Variants in FLT3 observed in about 807,000 individuals in gnomAD.
FLT3 encodes fms related receptor tyrosine kinase 3.
Under a neutral mutation model 126.6 loss-of-function variants are expected in FLT3, and 46 were observed. The observed-to-expected ratio is 0.36, with a 90% CI of 0.29 to 0.46. FLT3 has a LOEUF of 0.46. Ranked by LOEUF, FLT3 falls within the 20% of genes least tolerant of loss-of-function variation. The probability of loss-of-function intolerance (pLI) is 1.00; values close to 1 mark genes in which losing one functional copy is unlikely to be tolerated. For missense variants in FLT3, 1,069 were observed against 1,190.3 expected, an observed-to-expected ratio of 0.90 and a Z score of 1.50; for synonymous variants, 404 against 434.4, an observed-to-expected ratio of 0.93 and a Z score of 0.87.
At position 28,081,264 on chromosome 13, in the gene FLT3, C is replaced by G. The variant is rs1878283689; in HGVS notation, c.44-10652G>C. The stretch of plus-strand genomic sequence containing the variant: ...TGAGTTTTCTAATACATAAATATGG[C>G]ATATCACTCCTTTTAATTAGATCTT... On this transcript the variant is annotated intron_variant, in intron 1 of 23. Coordinates refer to ENST00000241453, the MANE Select transcript of FLT3 (RefSeq NM_004119.3). 2.7e-5 allele frequency among the ~76,000 whole-genome samples: 4 copies of G among 149,302 alleles called. No individual in the cohort carries two copies. In the South Asian group the frequency reaches 8.8e-4, roughly 33 times the overall value.
chr13:28,087,594 T>G (rs1878759391), intron 1 of FLT3, among the ~76,000 whole-genome samples: 2 of 152,200 alleles, frequency 1.3e-5, no homozygotes, highest in South Asian at 2.1e-4. Context: ...TCCTCCCTTA[T>G]TTTTGACATA....
chr13:28,090,262 T>G (rs2137825038), intron 1 of FLT3, among the ~76,000 whole-genome samples: 1 of 151,264 alleles, frequency 6.6e-6, no homozygotes, highest in East Asian at 2.0e-4. Context: ...GGTCTTGAAC[T>G]CCTGACCTCT....
At chr13:28,052,230 T>C (rs1193724245) in intron 5 of FLT3, among the ~76,000 whole-genome samples, 3 of 151,484 alleles carry the variant, frequency 2.0e-5, no homozygotes, top group Non-Finnish European at 4.4e-5. Flanking sequence ...GAGTAGCTGG[T>C]ATTTTAGGTG....
chr13:28,093,126 A>G (rs1236729929), intron 1 of FLT3, among the ~76,000 whole-genome samples: 1 of 151,400 alleles, frequency 6.6e-6, no homozygotes, highest in African/African-American at 2.4e-5. Flanking sequence ...GGGTTTTGCC[A>G]TGTTGCCCAG....
chr13:28,037,036 A>G, intron 10 of FLT3, 149 bp downstream of exon 10: 1 of 606,984 alleles, frequency 1.6e-6, no homozygotes, highest in Non-Finnish European at 2.9e-6. Context: ...ATGCCAGTAG[A>G]TATGAGAGTA....
chr13:28,039,481 G>A (rs9512994), intron 9 of FLT3, among the ~76,000 whole-genome samples: 2 of 151,026 alleles, frequency 1.3e-5, no homozygotes, highest in East Asian at 2.0e-4. Flanking sequence ...GATGAATTAC[G>A]CATTTTAAAA....
intron 19 of FLT3, among the ~76,000 whole-genome samples, chr13:28,021,013 G>A (rs1872338466): frequency 6.6e-6 from 1 of 152,188 alleles, no homozygotes; most frequent in Non-Finnish European, 1.5e-5. Context: ...TTGACTGCCA[G>A]TTGGGAGTAG....
chr13:28,015,356 C>G (rs1210542104), intron 21 of FLT3, 100 bp from the exon 22 acceptor site: 17 of 895,802 alleles, frequency 1.9e-5, no homozygotes, highest in Non-Finnish European at 3.1e-5. Flanking sequence ...ATGTGCCAGA[C>G]ACTGTTGCAG....
At chr13:28,071,257 G>A (rs918141224) in intron 1 of FLT3, among the ~76,000 whole-genome samples, 10 of 151,460 alleles carry the variant, frequency 6.6e-5, no homozygotes, top group Middle Eastern at 3.4e-3. Flanking sequence ...TGATCCACCC[G>A]CCTCTGCCTC....
Position 28,033,903 on chromosome 13 carries a change from G to T in FLT3, c.1926C>A (p.Ala642=), listed in dbSNP as rs544651635. Residue 642 remains alanine, a synonymous_variant, in exon 15 of 24, where the codon GCC becomes GCA. Transcript: ENST00000241453. ...ISKTGVSIQV[A]VKMLKEKADS... ...ATACTGTACCTTTCAGCATTTTGAC[G>T]GCAACCTGGATTGAGACTCCTGTTT... The T allele has an allele frequency of 6.2e-7, 1 of 1,613,700 alleles. No homozygotes were observed. The highest frequency in any genetic ancestry group is 1.3e-5 in the African/African-American group (1 of 74,874).
intron 19 of FLT3, among the ~76,000 whole-genome samples, chr13:28,020,311 TATC>T (rs1412602250): frequency 7.9e-5 from 12 of 152,130 alleles, no homozygotes; most frequent in African/African-American, 2.7e-4. Flanking sequence ...TCACAACACT[TATC>T]ATGCTACAGT....
At chr13:28,069,471 A>G (rs9554238) in intron 2 of FLT3, among the ~76,000 whole-genome samples, 27,535 of 152,118 alleles carry the variant, frequency 0.18, 2,514 homozygotes, top group Middle Eastern at 0.25. Flanking sequence ...AATAAATGAC[A>G]TAGGTGGATT....
intron 2 of FLT3, among the ~76,000 whole-genome samples, chr13:28,064,697 T>TA (rs1217552784): frequency 6.6e-6 from 1 of 152,100 alleles, no homozygotes; most frequent in Non-Finnish European, 1.5e-5. Context: ...GGCAAAAAAT[T>TA]AAAAAATATG....
intron 16 of FLT3, among the ~76,000 whole-genome samples, chr13:28,027,659 C>T (rs1344995341): frequency 6.6e-6 from 1 of 152,194 alleles, no homozygotes; most frequent in Non-Finnish European, 1.5e-5. Flanking sequence ...TCTTTTAGTA[C>T]CAGCCCCAGG....
intron 20 of FLT3, among the ~76,000 whole-genome samples, chr13:28,015,929 TTG>T (rs1871813633): frequency 6.6e-6 from 1 of 152,158 alleles, no homozygotes; most frequent in East Asian, 1.9e-4. Context: ...GAACAAAGGC[TTG>T]TGCTTGGAAT....
intron 15 of FLT3, among the ~76,000 whole-genome samples, 156 bp from the exon 16 acceptor site, chr13:28,028,444 C>T (rs775336204): frequency 3.3e-5 from 5 of 152,164 alleles, no homozygotes; most frequent in Admixed American, 1.3e-4. Flanking sequence ...TGCCTGTAAT[C>T]CCAGCACTTT....
At position 28,027,259 on chromosome 13, in the gene FLT3, T is replaced by C. The variant is rs758661872; in HGVS notation, c.2054-18A>G. 12 of 1,598,866 alleles carry C rather than the reference T, an allele frequency of 7.5e-6. No homozygotes were observed. Among genetic ancestry groups the C allele is most frequent in the Non-Finnish European group, 1.0e-5 (12 of 1,168,886 alleles). On this transcript the variant is annotated intron_variant, in intron 16 of 23. Coordinates refer to ENST00000241453, the MANE Select transcript of FLT3 (RefSeq NM_004119.3). ...AATTGGTCCTGAAATAGTTACAGTTTCAATTATAGGCATACACAAAGCAAA... is the reference window on the plus strand; with the variant it reads ...AATTGGTCCTGAAATAGTTACAGTTCCAATTATAGGCATACACAAAGCAAA...
intron 23 of FLT3, among the ~76,000 whole-genome samples, chr13:28,012,036 C>T (rs867836075): frequency 1.2e-4 from 19 of 152,056 alleles, no homozygotes; most frequent in Non-Finnish European, 2.8e-4. Context: ...TCAAGTGATC[C>T]GCCCACCTCA....
intron 8 of FLT3, among the ~76,000 whole-genome samples, chr13:28,048,657 T>TA (rs1272946052): frequency 1.3e-5 from 2 of 151,940 alleles, no homozygotes; most frequent in African/African-American, 2.4e-5. Context: ...AAGAAATGTT[T>TA]AAAAAAAGAA....
Sources: gnomAD v4.1 joint callset for allele counts (sites outside exome capture counted in the v4.1 genomes callset) on GRCh38, gnomAD v4.1.1 for gene constraint, MANE v1.5 for transcripts, NCBI Gene and HGNC (gene_info 2026-07-23, HGNC 2026-07-21) for gene names.